The following GPLD1 variants were observed in gnomAD, a reference collection of about 807,000 sequenced individuals.
GPLD1 encodes phosphatidylinositol-glycan-specific phospholipase D.
GPLD1 carries 84 observed loss-of-function variants against 112.6 expected under a neutral mutation model. The observed-to-expected ratio is 0.75, with a 90% CI of 0.63 to 0.89. The LOEUF (loss-of-function observed/expected upper bound fraction) is 0.89. GPLD1 is among the 40% of genes least tolerant of loss of function. GPLD1 has a pLI of 0.00. For missense variants in GPLD1, 1,044 were observed against 1,051.5 expected (o/e 0.99, Z 0.10); for synonymous variants, 386 against 403.8 (o/e 0.96, Z 0.53).
At chr6:24,464,769 C>T (rs903422388) in intron 10 of GPLD1, among the ~76,000 whole-genome samples, 2 of 152,228 alleles carry the variant, frequency 1.3e-5, no homozygotes, top group African/African-American at 4.8e-5. Flanking sequence ...GCTGGTGGTA[C>T]AGCCTAAGCT....
At chr6:24,477,454 C>T (rs1213648735) in intron 3 of GPLD1, among the ~76,000 whole-genome samples, 2 of 152,008 alleles carry the variant, frequency 1.3e-5, no homozygotes, top group Non-Finnish European at 2.9e-5. Flanking sequence ...TGCAGTAGTG[C>T]ACGCCTATAA....
chr6:24,437,354 A>AC, intron 20 of GPLD1, 65 bp from the exon 21 acceptor site: 1 of 1,436,328 alleles, frequency 7.0e-7, no homozygotes, highest in Non-Finnish European at 9.6e-7. Flanking sequence ...ACGGAATAGC[A>AC]CCCCATCCTC....
intron 3 of GPLD1, among the ~76,000 whole-genome samples, chr6:24,476,486 A>C (rs1329086568): frequency 6.6e-6 from 1 of 152,152 alleles, no homozygotes; most frequent in East Asian, 1.9e-4. Flanking sequence ...CTGCCTGATG[A>C]CTAAAAAGAG....
chr6:24,461,181 A>G (rs998250982), intron 11 of GPLD1, among the ~76,000 whole-genome samples: 5 of 152,188 alleles, frequency 3.3e-5, no homozygotes, highest in Non-Finnish European at 7.3e-5. Flanking sequence ...TGAAGTAGGG[A>G]GTGGACAACA....
upstream of GPLD1, chr6:24,489,653 T>C: frequency 7.2e-7 from 1 of 1,394,738 alleles, no homozygotes; most frequent in Non-Finnish European, 9.5e-7. Context: ...CATTTCAAAA[T>C]AATATCGTTT....
intron 20 of GPLD1, among the ~76,000 whole-genome samples, chr6:24,442,762 G>A (rs979815211): frequency 6.6e-6 from 1 of 151,334 alleles, no homozygotes; most frequent in African/African-American, 2.4e-5. Flanking sequence ...AAAATTTTTT[G>A]TAGAGACAGG....
rs1313468609 is a variant in GPLD1 at position 24,445,630 on chromosome 6, T to G, written c.1936A>C (p.Lys646Gln). ...CCACTGGAAAGGGAAGTACCCAGTTTCCCCATTGCCTGTGAGACACAATAA... is the reference window on the plus strand; with the variant it reads ...CCACTGGAAAGGGAAGTACCCAGTTGCCCCATTGCCTGTGAGACACAATAA... ...FTISGDKAMG[K>Q]LGTSLSSGHV... Residue 646 changes from lysine to glutamine, a missense_variant, in exon 20 of 25, where the codon AAA becomes CAA. Transcript: ENST00000230036. 6.2e-7 allele frequency: 1 copy of G among 1,613,288 alleles called. No individual in the cohort carries two copies. The highest frequency in any genetic ancestry group is 1.7e-5 in the Admixed American group (1 of 60,002).
In GPLD1 at chr6:24,476,717, T is replaced by C. The variant is rs189513673; in HGVS notation, c.233-439A>G. ...ACAAGAAATAAAAGCAGATATTTCATATGCTTTCAAGCATTTGATTTTATA... is the reference window on the plus strand; with the variant it reads ...ACAAGAAATAAAAGCAGATATTTCACATGCTTTCAAGCATTTGATTTTATA... On this transcript the variant is annotated intron_variant, in intron 3 of 24. Coordinates refer to ENST00000230036, the MANE Select transcript of GPLD1 (RefSeq NM_001503.4). Among the ~76,000 whole-genome samples, 7 of 152,368 alleles carry C rather than the reference T, an allele frequency of 4.6e-5. No homozygotes were observed. In the East Asian group the frequency reaches 1.2e-3, roughly 25 times the overall value.
chr6:24,479,610 TATC>T (rs570735039), intron 3 of GPLD1, among the ~76,000 whole-genome samples: 30 of 152,188 alleles, frequency 2.0e-4, no homozygotes, highest in Non-Finnish European at 3.8e-4. Context: ...AAATGTCTTC[TATC>T]ATGTCACTTA....
intron 12 of GPLD1, among the ~76,000 whole-genome samples, chr6:24,459,920 G>A (rs7754778): frequency 0.19 from 28,354 of 151,928 alleles, 2,911 homozygotes; most frequent in African/African-American, 0.27. Context: ...AGTATTTGCC[G>A]GCCTGGCACA....
rs1276771507 is a variant in GPLD1 at position 24,428,872 on chromosome 6, G to C, written c.*160C>G. ...ATATTTACTGTATCAGATTTCCAGA[G>C]GGTGTGGCTGTTAGTGTGTCTCTCT... is the stretch of plus-strand genomic sequence containing the variant. On this transcript the variant is annotated 3_prime_UTR_variant, in exon 25 of 25. Transcript: ENST00000230036. 6.3e-5 allele frequency: 31 copies of C among 495,968 alleles called. No individual in the cohort carries two copies. The highest frequency in any genetic ancestry group is 1.1e-4 in the Non-Finnish European group (29 of 275,034). The allele number at this position is 495,968 out of a possible 1,614,324, so 30.7% of individuals were successfully genotyped here. A position where few individuals can be genotyped will look rare whatever the true frequency, so the allele number is the denominator to read the frequency against.
At chr6:24,470,442 C>T (rs186823170) in intron 7 of GPLD1, among the ~76,000 whole-genome samples, 60 of 152,228 alleles carry the variant, frequency 3.9e-4, no homozygotes, top group African/African-American at 1.3e-3. Context: ...GACAGAACTA[C>T]AAGAAATTGA....
intron 22 of GPLD1, among the ~76,000 whole-genome samples, chr6:24,435,174 G>A (rs1335390424): frequency 1.3e-5 from 2 of 151,690 alleles, no homozygotes; most frequent in African/African-American, 4.8e-5. Context: ...ACCAAGCCCG[G>A]CTAATTTTTT....
intron 2 of GPLD1, among the ~76,000 whole-genome samples, chr6:24,483,065 T>G (rs1017927143): frequency 6.6e-6 from 1 of 152,152 alleles, no homozygotes; most frequent in East Asian, 1.9e-4. Flanking sequence ...CAGCAGCTTA[T>G]GCCTGTTATC....
chr6:24,441,069 G>A (rs1388557365), intron 20 of GPLD1, among the ~76,000 whole-genome samples: 4 of 152,200 alleles, frequency 2.6e-5, no homozygotes, highest in East Asian at 1.9e-4. Context: ...GTGGGAGGCC[G>A]AGGCGGGCGG....
At position 24,473,645 on chromosome 6, in the gene GPLD1, G is replaced by A; in HGVS notation, c.464C>T (p.Ser155Leu). 1.2e-6 allele frequency: 2 copies of A among 1,608,908 alleles called. No homozygotes were observed. Among genetic ancestry groups the A allele is most frequent in the Non-Finnish European group, 1.7e-6 (2 of 1,175,610 alleles). The change falls in exon 6 of 25, where the codon TCA (serine) becomes TTA (leucine). Residue 155 changes from serine (S) to leucine (L), a missense_variant. Coordinates refer to ENST00000230036, the MANE Select transcript of GPLD1 (RefSeq NM_001503.4). ...AAAATCACCAGCCGAATGAGCCTCT[G>A]AATAGGAGCCGTGAAAATCAATCTA... ...MGAIDFHGSY[S>L]EAHSAGDFGG...
intron 3 of GPLD1, among the ~76,000 whole-genome samples, chr6:24,476,906 G>A (rs2817205): frequency 0.48 from 73,609 of 151,786 alleles, 18,399 homozygotes; most frequent in African/African-American, 0.58. Context: ...GCCTCATGGA[G>A]TGCCAAATGT....
intron 2 of GPLD1, among the ~76,000 whole-genome samples, chr6:24,485,810 CG>C (rs1172928512): frequency 3.9e-5 from 6 of 152,054 alleles, no homozygotes; most frequent in Admixed American, 2.0e-4. Context: ...ACTGGGATTA[CG>C]GGCATGCACC....
intron 20 of GPLD1, among the ~76,000 whole-genome samples, chr6:24,445,090 T>C (rs1245908320): frequency 1.3e-5 from 2 of 152,144 alleles, no homozygotes; most frequent in African/African-American, 2.4e-5. Context: ...TGCAGTGGCA[T>C]GATCTTGGCT....
Sources: gnomAD v4.1 joint callset for allele counts (sites outside exome capture counted in the v4.1 genomes callset) on GRCh38, gnomAD v4.1.1 for gene constraint, MANE v1.5 for transcripts, NCBI Gene and HGNC (gene_info 2026-07-23, HGNC 2026-07-21) for gene names.